The following NAALADL2 variants were observed in gnomAD, a reference collection of about 807,000 sequenced individuals.
NAALADL2 encodes inactive N-acetylated-alpha-linked acidic dipeptidase-like protein 2.
NAALADL2 carries 76 observed loss-of-function variants against 87.2 expected under a neutral mutation model. The observed-to-expected ratio is 0.87, with a 90% CI of 0.72 to 1.05. NAALADL2 has a LOEUF of 1.05. Among genes scored for constraint, NAALADL2 ranks in the 50% least tolerant of loss-of-function variants. The pLI is 0.00. For missense variants in NAALADL2, 1,089 were observed against 945.8 expected, an observed-to-expected ratio of 1.15 and a Z score of -1.99; for synonymous variants, 354 against 331.0, an observed-to-expected ratio of 1.07 and a Z score of -0.75.
intron 1 of NAALADL2, among the ~76,000 whole-genome samples, chr3:174,870,536 T>C (rs376403190): frequency 8.5e-5 from 13 of 152,240 alleles, no homozygotes; most frequent in African/African-American, 3.1e-4. Flanking sequence ...TAATCCGTGA[T>C]TGACATTAGG....
intron 3 of NAALADL2, chr3:175,235,620 T>G (rs1043624704): frequency 6.6e-6 from 1 of 152,238 alleles, no homozygotes; most frequent in Non-Finnish European, 1.5e-5. Flanking sequence ...TCTAAAACTC[T>G]TTACTCTGTC....
At chr3:175,042,307 T>G (rs1754167802) in intron 1 of NAALADL2, among the ~76,000 whole-genome samples, 1 of 152,196 alleles carries the variant, frequency 6.6e-6, no homozygotes, top group Admixed American at 6.5e-5. Context: ...TTCTTTGGAA[T>G]ACTATATATA....
At chr3:175,132,816 C>T (rs1454657808) in intron 2 of NAALADL2, among the ~76,000 whole-genome samples, 1 of 151,664 alleles carries the variant, frequency 6.6e-6, no homozygotes, top group Non-Finnish European at 1.5e-5. Context: ...GACGGGATGG[C>T]TGCCGGGCGG....
intron 1 of NAALADL2, among the ~76,000 whole-genome samples, chr3:174,901,116 C>A (rs746209043): frequency 2.6e-4 from 40 of 152,216 alleles, no homozygotes; most frequent in Non-Finnish European, 5.1e-4. Context: ...ATGCTTGTCA[C>A]ATGTCTAGGG....
intron 12 of NAALADL2, 83 bp downstream of exon 12, chr3:175,737,482 A>G (rs1335404176): frequency 7.2e-6 from 6 of 830,654 alleles, no homozygotes; most frequent in African/African-American, 6.7e-5. Flanking sequence ...GAAGTCATCA[A>G]TGATCTTACT....
intron 1 of NAALADL2, among the ~76,000 whole-genome samples, chr3:174,969,304 G>A (rs968415139): frequency 1.3e-5 from 2 of 152,064 alleles, no homozygotes; most frequent in East Asian, 3.9e-4. Flanking sequence ...GTACTTTCCT[G>A]TTATACAGAT....
At chr3:174,811,644 A>G (rs1439589282) in intron 3 of NAALADL2, among the ~76,000 whole-genome samples, 1 of 152,118 alleles carries the variant, frequency 6.6e-6, no homozygotes, top group East Asian at 1.9e-4. Flanking sequence ...CTCGTCTCAG[A>G]TGAGACTTTG....
chr3:175,037,952 G>GTAA (rs2108952259), intron 1 of NAALADL2, among the ~76,000 whole-genome samples: 1 of 152,164 alleles, frequency 6.6e-6, no homozygotes, highest in Non-Finnish European at 1.5e-5. Flanking sequence ...AGGGAGCGTG[G>GTAA]ATTTAAAAAG....
At chr3:175,460,466 TA>T (rs1722946536) in intron 6 of NAALADL2, among the ~76,000 whole-genome samples, 1 of 152,192 alleles carries the variant, frequency 6.6e-6, no homozygotes, top group Non-Finnish European at 1.5e-5. Flanking sequence ...GGATCCAATG[TA>T]AATATAGCAT....
intron 2 of NAALADL2, among the ~76,000 whole-genome samples, chr3:174,695,363 C>G (rs923487583): frequency 3.3e-5 from 5 of 151,960 alleles, no homozygotes; most frequent in African/African-American, 1.2e-4. Context: ...AGGGTAAGTA[C>G]AGGAGTTCAG....
intron 1 of NAALADL2, among the ~76,000 whole-genome samples, chr3:175,068,843 A>G (rs1012116006): frequency 3.3e-5 from 5 of 152,108 alleles, no homozygotes; most frequent in African/African-American, 1.2e-4. Context: ...TGCACTTGGT[A>G]TCTTCCATGG....
intron 11 of NAALADL2, among the ~76,000 whole-genome samples, chr3:175,632,071 G>A (rs986169961): frequency 1.3e-5 from 2 of 151,948 alleles, no homozygotes; most frequent in Admixed American, 6.6e-5. Flanking sequence ...AAAGAAGATG[G>A]AGCTTTTTCC....
At chr3:175,257,767 C>T (rs568829603) in intron 4 of NAALADL2, among the ~76,000 whole-genome samples, 3 of 152,034 alleles carry the variant, frequency 2.0e-5, no homozygotes, top group African/African-American at 7.2e-5. Flanking sequence ...TAAAAATCCT[C>T]ATAAATCAAA....
chr3:174,621,170 G>A (rs77293536), intron 2 of NAALADL2, among the ~76,000 whole-genome samples: 3,405 of 152,066 alleles, frequency 0.022, 123 homozygotes, highest in African/African-American at 0.077. Flanking sequence ...CAGAATTGCC[G>A]CAAGCTTCTC....
rs533311600 is a variant in NAALADL2, at chr3:174,588,811, C to A, written c.-115+38174C>A. Among the ~76,000 whole-genome samples, 14 of 152,098 alleles carry A rather than the reference C, an allele frequency of 9.2e-5. No individual in the cohort carries two copies. In the South Asian group the frequency reaches 2.9e-3, roughly 31 times the overall value. On this transcript the variant is annotated intron_variant, in intron 2 of 3. Transcript: ENST00000434257. ...TACTGGGGGGTGCCTCCCAGTTAGG[C>A]TACTCAGGGGTCAGGGACCCACTTG... is the stretch of plus-strand genomic sequence containing the variant.
In NAALADL2 at chr3:175,087,283, TG is replaced by T. The variant is rs1384080211; in HGVS notation, c.44-9501del. On this transcript the variant is annotated intron_variant, in intron 1 of 13. Transcript: ENST00000454872. ...CCAGCTGCCCTGCCCGGGAGGGAGG[TG>T]GGGGGCAGCCCCCGCCCTGGCAGCT... is the stretch of plus-strand genomic sequence containing the variant. Among the ~76,000 whole-genome samples, 3 of 152,034 alleles carry T rather than the reference TG, an allele frequency of 2.0e-5. No homozygotes were observed. The East Asian group carries it at 5.8e-4, about 30-fold the overall frequency.
At chr3:175,754,649 G>A (rs956264335) in intron 12 of NAALADL2, among the ~76,000 whole-genome samples, 1 of 152,132 alleles carries the variant, frequency 6.6e-6, no homozygotes, top group Non-Finnish European at 1.5e-5. Context: ...TCACAACTCG[G>A]TTTTTATTTT....
chr3:175,176,491 A>C (rs921537368), intron 2 of NAALADL2, among the ~76,000 whole-genome samples: 1 of 152,256 alleles, frequency 6.6e-6, no homozygotes, highest in African/African-American at 2.4e-5. Context: ...ATTGATGGCC[A>C]CATTCTAACC....
At chr3:175,151,339 C>T (rs1402151227) in intron 2 of NAALADL2, among the ~76,000 whole-genome samples, 1 of 152,158 alleles carries the variant, frequency 6.6e-6, no homozygotes, top group Non-Finnish European at 1.5e-5. Context: ...GACGGCCTAC[C>T]TTAGGCACTC....
Sources: allele counts gnomAD v4.1 joint callset (sites outside exome capture counted in the v4.1 genomes callset), GRCh38; gene constraint gnomAD v4.1.1; transcripts MANE v1.5; gene names NCBI Gene and HGNC (gene_info 2026-07-23, HGNC 2026-07-21).